Variants in SNX10 observed in about 807,000 individuals in gnomAD.
The protein encoded by SNX10 is sorting nexin-10.
In SNX10, 25 loss-of-function variants were observed where a neutral mutation model predicts 28.5. That is an observed-to-expected ratio of 0.88 (90% CI 0.64 to 1.22). SNX10 has a LOEUF of 1.22. Among genes scored for constraint, SNX10 ranks in the 50% most tolerant of loss-of-function variants. The probability of loss-of-function intolerance (pLI) is 0.00; values close to 1 mark genes in which losing one functional copy is unlikely to be tolerated. For missense variants in SNX10, 223 were observed against 242.6 expected (o/e 0.92, Z 0.54); for synonymous variants, 62 against 81.4 (o/e 0.76, Z 1.28).
At chr7:26,304,030 C>A (rs1240487804) in intron 1 of SNX10, among the ~76,000 whole-genome samples, 1 of 152,158 alleles carries the variant, frequency 6.6e-6, no homozygotes, top group East Asian at 1.9e-4. Flanking sequence ...AAGGGCCTAA[C>A]ACTTACATAG....
At chr7:26,343,679 C>G (rs956880137) in intron 1 of SNX10, among the ~76,000 whole-genome samples, 3 of 152,064 alleles carry the variant, frequency 2.0e-5, no homozygotes, top group Non-Finnish European at 4.4e-5. Context: ...GAGGTTCAGC[C>G]GTGTGGAGCA....
chr7:26,346,292 G>A (rs373607236), intron 1 of SNX10, 128 bp from the exon 2 acceptor site: 6 of 705,170 alleles, frequency 8.5e-6, no homozygotes, highest in Non-Finnish European at 5.2e-6. Context: ...GAGGAGCAGA[G>A]GCTCACATGT....
intron 1 of SNX10, among the ~76,000 whole-genome samples, chr7:26,337,354 C>T (rs987115077): frequency 2.6e-5 from 4 of 152,154 alleles, no homozygotes; most frequent in Non-Finnish European, 4.4e-5. Flanking sequence ...ACTTCAGTAG[C>T]GTTAAGTGTA....
chr7:26,343,685 G>A (rs1434640483), intron 1 of SNX10, among the ~76,000 whole-genome samples: 3 of 152,172 alleles, frequency 2.0e-5, no homozygotes, highest in Non-Finnish European at 2.9e-5. Flanking sequence ...CAGCCGTGTG[G>A]AGCACGTGAT....
intron 1 of SNX10, among the ~76,000 whole-genome samples, chr7:26,342,028 C>CTTTCT (rs775473328): frequency 3.6e-5 from 4 of 111,654 alleles, no homozygotes; most frequent in Non-Finnish European, 3.7e-5. Context: ...TTTCTTCTTT[C>CTTTCT]TTTTTTTTTT....
intron 1 of SNX10, among the ~76,000 whole-genome samples, chr7:26,311,366 G>C (rs1026796601): frequency 1.3e-5 from 2 of 152,094 alleles, no homozygotes; most frequent in African/African-American, 4.8e-5. Context: ...GCCCAGGCTG[G>C]TCTGGAGCCC....
intron 1 of SNX10, among the ~76,000 whole-genome samples, chr7:26,321,194 G>A (rs759251067): frequency 3.3e-5 from 5 of 152,206 alleles, no homozygotes; most frequent in African/African-American, 7.2e-5. Flanking sequence ...AAGGTAGGCC[G>A]AGTAGCATGG....
chr7:26,370,850 T>TA (rs1401830337), intron 5 of SNX10: 1 of 152,192 alleles, frequency 6.6e-6, no homozygotes, highest in Non-Finnish European at 1.5e-5. Flanking sequence ...TATCTGGTCT[T>TA]AGTGTCTCCT....
intron 1 of SNX10, among the ~76,000 whole-genome samples, chr7:26,301,019 CAA>C (rs1170123330): frequency 1.0e-4 from 1 of 9,992 alleles, no homozygotes; most frequent in Non-Finnish European, 4.3e-4. Context: ...ACTCTGTCTC[CAA>C]AAAAAAAAAA....
At chr7:26,356,244 G>A (rs530069976) in intron 2 of SNX10, among the ~76,000 whole-genome samples, 71 of 152,332 alleles carry the variant, frequency 4.7e-4, no homozygotes, top group Non-Finnish European at 8.1e-4. Context: ...AGCAGGGACA[G>A]TTAGTCTAAA....
chr7:26,311,452 T>A (rs1479818381), intron 1 of SNX10, among the ~76,000 whole-genome samples: 1 of 152,226 alleles, frequency 6.6e-6, no homozygotes, highest in African/African-American at 2.4e-5. Flanking sequence ...AATTTTTTTC[T>A]ATCATTGACA....
At chr7:26,372,387 T>C in intron 6 of SNX10, 104 bp from the exon 7 acceptor site, 1 of 768,502 alleles carries the variant, frequency 1.3e-6, no homozygotes, top group Admixed American at 2.1e-5. Context: ...TGTCTCTCTT[T>C]GTGACTGGAG....
intron 1 of SNX10, among the ~76,000 whole-genome samples, chr7:26,325,212 G>A (rs1327914400): frequency 1.3e-5 from 2 of 149,986 alleles, no homozygotes; most frequent in Non-Finnish European, 1.5e-5. Context: ...TCACTTGACA[G>A]GCCTGTTCTC....
chr7:26,353,459 T>A (rs368003624), intron 2 of SNX10, among the ~76,000 whole-genome samples: 8 of 58,444 alleles, frequency 1.4e-4, no homozygotes, highest in Non-Finnish European at 2.6e-4. Flanking sequence ...TTTTTTTTTT[T>A]TGGTGGGGAG....
chr7:26,327,094 G>C (rs1787530199), intron 1 of SNX10, among the ~76,000 whole-genome samples: 1 of 152,138 alleles, frequency 6.6e-6, no homozygotes, highest in Non-Finnish European at 1.5e-5. Context: ...GGGATTACAG[G>C]TGTGCGCCAC....
intron 1 of SNX10, among the ~76,000 whole-genome samples, chr7:26,329,696 C>G (rs1047351258): frequency 1.3e-5 from 2 of 152,122 alleles, no homozygotes; most frequent in Non-Finnish European, 2.9e-5. Context: ...GCTTGAGGAA[C>G]AAGGCATCAG....
At chr7:26,339,460 GT>G (rs1333751692) in intron 1 of SNX10, among the ~76,000 whole-genome samples, 1 of 151,428 alleles carries the variant, frequency 6.6e-6, no homozygotes, top group Non-Finnish European at 1.5e-5. Context: ...TACATGCCAG[GT>G]TGCACAGTGG....
intron 2 of SNX10, among the ~76,000 whole-genome samples, chr7:26,350,013 G>A (rs1221330633): frequency 6.6e-6 from 1 of 152,172 alleles, no homozygotes; most frequent in African/African-American, 2.4e-5. Context: ...TAACTAGACT[G>A]TTCCTCCCTG....
chr7:26,344,382 T>A (rs921556677), intron 1 of SNX10, among the ~76,000 whole-genome samples: 1 of 152,118 alleles, frequency 6.6e-6, no homozygotes, highest in Non-Finnish European at 1.5e-5. Context: ...TTGGCCAGGC[T>A]GGTCTCTAAC....
Sources: gnomAD v4.1 joint callset for allele counts (sites outside exome capture counted in the v4.1 genomes callset) on GRCh38, gnomAD v4.1.1 for gene constraint, MANE v1.5 for transcripts, NCBI Gene and HGNC (gene_info 2026-07-23, HGNC 2026-07-21) for gene names.